The following ANXA13 variants were observed in gnomAD, a reference collection of about 807,000 sequenced individuals.
ANXA13 encodes annexin A13.
Under a neutral mutation model 46.6 loss-of-function variants are expected in ANXA13, and 36 were observed. The ratio of observed to expected loss-of-function variants is 0.77; its 90% CI spans 0.59 to 1.02. The LOEUF is 1.02. ANXA13 is among the 50% of genes least tolerant of loss of function. The probability of loss-of-function intolerance (pLI) is 0.00; values close to 1 mark genes in which losing one functional copy is unlikely to be tolerated. For missense variants in ANXA13, 417 were observed against 396.5 expected (o/e 1.05, Z -0.44); for synonymous variants, 163 against 152.9 (o/e 1.07, Z -0.49).
chr8:123,732,661 A>G (rs558020888), intron 1 of ANXA13, among the ~76,000 whole-genome samples: 2 of 149,692 alleles, frequency 1.3e-5, no homozygotes, highest in Non-Finnish European at 3.0e-5. Context: ...CCTCCTTACA[A>G]TGGCTGGTTT....
At chr8:123,703,044 C>A (rs1384042778) in intron 2 of ANXA13, among the ~76,000 whole-genome samples, 2 of 152,154 alleles carry the variant, frequency 1.3e-5, no homozygotes, top group African/African-American at 2.4e-5. Flanking sequence ...GTCCACCCAA[C>A]AATTGCATGT....
chr8:123,693,794 A>T lies in ANXA13; in HGVS notation c.472-15T>A, dbSNP rs185357145. The T allele has an allele frequency of 1.4e-5, 22 of 1,611,348 alleles. No individual in the cohort carries two copies. Among genetic ancestry groups the T allele is most frequent in the Non-Finnish European group, 1.9e-5 (22 of 1,178,172 alleles). On this transcript the variant is annotated splice_polypyrimidine_tract_variant and intron_variant, in intron 6 of 10. Transcript: ENST00000419625. ...TTGCGATTAGCCTAGAAAAATTGAC[A>T]CATTGTTATTAACTTGCATTCCTGC...
intron 1 of ANXA13, among the ~76,000 whole-genome samples, chr8:123,718,092 AAACT>A (rs1813794470): frequency 6.6e-6 from 1 of 152,208 alleles, no homozygotes; most frequent in South Asian, 2.1e-4. Context: ...TCTCACTTAG[AAACT>A]AACTATGGTA....
Position 123,717,265 on chromosome 8 carries a change from T to C in ANXA13, c.16-4512A>G, listed in dbSNP as rs183959284. ...GGAGCAGTCTCTGTGTTGCAAGGCT[T>C]GAGGTTTACGTGAAATAACTTTTCA... is the stretch of plus-strand genomic sequence containing the variant. On this transcript the variant is annotated intron_variant, in intron 1 of 10. Coordinates refer to ENST00000419625, the MANE Select transcript of ANXA13 (RefSeq NM_004306.4). 3.5e-4 allele frequency among the ~76,000 whole-genome samples: 54 copies of C among 152,286 alleles called. 1 individual carries two copies. The highest frequency in any genetic ancestry group is 1.3e-3 in the African/African-American group (52 of 41,568).
In ANXA13 at chr8:123,684,269, T is replaced by C. The variant is rs1813095518; in HGVS notation, c.831+341A>G. 3.3e-5 allele frequency among the ~76,000 whole-genome samples: 5 copies of C among 152,344 alleles called. No individual in the cohort carries two copies. The South Asian group carries it at 1.0e-3, about 32-fold the overall frequency. On this transcript the variant is annotated intron_variant, in intron 10 of 10. Transcript: ENST00000419625. ...ATTCTCTTTTTGTTCCTGCTGCTGG[T>C]TGACCTCTTTCAAGTGTGTTTGTTT... is the stretch of plus-strand genomic sequence containing the variant.
intron 3 of ANXA13, among the ~76,000 whole-genome samples, chr8:123,699,223 A>G (rs1054297263): frequency 1.3e-4 from 20 of 152,176 alleles, no homozygotes; most frequent in African/African-American, 4.6e-4. Flanking sequence ...TTTGTCACCC[A>G]GGCTGGAGTG....
chr8:123,698,316 G>A, intron 4 of ANXA13, 73 bp downstream of exon 4: 1 of 1,519,888 alleles, frequency 6.6e-7, no homozygotes, highest in African/African-American at 1.4e-5. Flanking sequence ...TGGGAAGTAG[G>A]GTCCCTTCTG....
intron 2 of ANXA13, among the ~76,000 whole-genome samples, chr8:123,706,677 G>A (rs1813546618): frequency 6.6e-6 from 1 of 152,142 alleles, no homozygotes; most frequent in South Asian, 2.1e-4. Flanking sequence ...CAGAACAACC[G>A]TTCTGAAGTG....
At chr8:123,688,506 C>A (rs1813178619) in intron 9 of ANXA13, among the ~76,000 whole-genome samples, 1 of 152,132 alleles carries the variant, frequency 6.6e-6, no homozygotes, top group South Asian at 2.1e-4. Flanking sequence ...ATGCCCTATT[C>A]AGGATCGAGG....
chr8:123,695,126 C>CTTGG (rs1813306574), intron 6 of ANXA13, among the ~76,000 whole-genome samples: 1 of 151,942 alleles, frequency 6.6e-6, no homozygotes, highest in Non-Finnish European at 1.5e-5. Flanking sequence ...AGCGGCCCTG[C>CTTGG]TTGGGGTCAG....
chr8:123,729,597 T>A (rs1189719946), intron 1 of ANXA13, among the ~76,000 whole-genome samples: 1 of 152,130 alleles, frequency 6.6e-6, no homozygotes, highest in East Asian at 1.9e-4. Context: ...TCTTGAGAGA[T>A]CATTAACTTG....
intron 1 of ANXA13, among the ~76,000 whole-genome samples, chr8:123,722,387 A>G (rs1048629189): frequency 7.3e-6 from 1 of 136,790 alleles, no homozygotes; most frequent in African/African-American, 2.7e-5. Flanking sequence ...AGAAAGAAAG[A>G]AAGAAAGAAA....
intron 3 of ANXA13, among the ~76,000 whole-genome samples, chr8:123,701,410 C>A (rs1253553960): frequency 6.6e-6 from 1 of 152,174 alleles, no homozygotes; most frequent in East Asian, 1.9e-4. Context: ...GCAGAGGTTA[C>A]AGTGAGCCAA....
chr8:123,712,832 G>A lies in ANXA13; in HGVS notation c.16-79C>T, dbSNP rs960343384. On this transcript the variant is annotated intron_variant, in intron 1 of 10. Coordinates refer to ENST00000419625, the MANE Select transcript of ANXA13 (RefSeq NM_004306.4). ...CTCTGGCTAAAATCGGTAGCAAACT[G>A]GAGGACCAAATAGTCATCCTAACCA... 11 of 1,273,282 alleles carry A rather than the reference G, an allele frequency of 8.6e-6. No homozygotes were observed. The African/African-American group carries it at 1.5e-4, about 17-fold the overall frequency. The allele number at this position is 1,273,282 out of a possible 1,614,324, so 78.9% of individuals were successfully genotyped here. A position where few individuals can be genotyped will look rare whatever the true frequency, so the allele number is the denominator to read the frequency against.
intron 2 of ANXA13, among the ~76,000 whole-genome samples, chr8:123,705,190 T>C (rs1479865112): frequency 6.6e-6 from 1 of 152,212 alleles, no homozygotes; most frequent in African/African-American, 2.4e-5. Flanking sequence ...GAGACAACTC[T>C]TTTACCTGTT....
chr8:123,708,771 A>G (rs1813596122), intron 2 of ANXA13, among the ~76,000 whole-genome samples: 1 of 152,118 alleles, frequency 6.6e-6, no homozygotes, highest in African/African-American at 2.4e-5. Context: ...CGGCAGGCCC[A>G]CAGTCCCTCC....
rs1240213611 is a variant in ANXA13, at chr8:123,688,966, C to A, written c.643-20G>T. The A allele has an allele frequency of 1.2e-6, 2 of 1,612,550 alleles. No homozygotes were observed. The highest frequency in any genetic ancestry group is 1.1e-5 in the South Asian group (1 of 91,016). On this transcript the variant is annotated intron_variant, in intron 8 of 10. Transcript: ENST00000419625. Reference sequence around the variant, plus strand: ...AATGAGCTGCAGCGAAAACCAAAATCAACTGTTATTCCAGGTTTGCCTTTG... The same window carrying A: ...AATGAGCTGCAGCGAAAACCAAAATAAACTGTTATTCCAGGTTTGCCTTTG...
chr8:123,728,652 A>G (rs1163058719), intron 1 of ANXA13: 1 of 152,244 alleles, frequency 6.6e-6, no homozygotes, highest in Non-Finnish European at 1.5e-5. Flanking sequence ...AGCAGGATGC[A>G]GTCAACAGTA....
intron 2 of ANXA13, among the ~76,000 whole-genome samples, chr8:123,707,774 C>T (rs1474175116): frequency 6.6e-6 from 1 of 151,862 alleles, no homozygotes; most frequent in Non-Finnish European, 1.5e-5. Flanking sequence ...TAGCAAACCA[C>T]CATGGCATAT....
Sources: allele counts gnomAD v4.1 joint callset (sites outside exome capture counted in the v4.1 genomes callset), GRCh38; gene constraint gnomAD v4.1.1; transcripts MANE v1.5; gene names NCBI Gene and HGNC (gene_info 2026-07-23, HGNC 2026-07-21).